Variants in GNAI2 observed in about 807,000 individuals in gnomAD.
GNAI2 encodes guanine nucleotide-binding protein G(i) subunit alpha-2.
GNAI2 carries 4 observed loss-of-function variants against 36.8 expected under a neutral mutation model. That is an observed-to-expected ratio of 0.11 (90% confidence interval 0.05 to 0.25). GNAI2 has a LOEUF of 0.25. GNAI2 is among the 10% of genes least tolerant of loss of function. The pLI is 1.00. For missense variants in GNAI2, 230 were observed against 481.3 expected (o/e 0.48, Z 4.89); for synonymous variants, 194 against 194.1 (o/e 1.00, Z 0.01).
rs782110519 is a variant in GNAI2 at position 50,253,136 on chromosome 3, C to A, written c.416C>A (p.Ala139Asp). Reference sequence around the variant, plus strand: ...CTCTGGGCTGACCATGGTGTGCAGGCCTGCTTTGGCCGCTCAAGGGAATAC... The same window carrying A: ...CTCTGGGCTGACCATGGTGTGCAGGACTGCTTTGGCCGCTCAAGGGAATAC... The part of the protein sequence containing the change: ...RRLWADHGVQ[A>D]CFGRSREYQL... The change falls in exon 4 of 9, where the codon GCC (alanine) becomes GAC (aspartate). Residue 139 changes from alanine (A) to aspartate (D), a missense_variant. Around this residue, in one of 4 missense-constraint regions of GNAI2, gnomAD observed 132 missense variants for 247.4 expected, o/e 0.53. Coordinates refer to ENST00000313601, the MANE Select transcript of GNAI2 (RefSeq NM_002070.4). This position sits in a 1 kb window ranked among gnomAD's most constrained non-coding sequence, Gnocchi z 4.2. 2 of 1,613,580 alleles carry A rather than the reference C, an allele frequency of 1.2e-6. No individual in the cohort carries two copies. Among genetic ancestry groups the A allele is most frequent in the Non-Finnish European group, 1.7e-6 (2 of 1,179,736 alleles).
upstream of GNAI2, among the ~76,000 whole-genome samples, chr3:50,231,669 G>A (rs1700070129): frequency 6.6e-6 from 1 of 152,344 alleles, no homozygotes; most frequent in East Asian, 1.9e-4. Context: ...AGAATAGTGG[G>A]ATCTGGCTGG....
intron 1 of GNAI2, among the ~76,000 whole-genome samples, chr3:50,245,741 G>C (rs1700404571): frequency 6.6e-6 from 1 of 152,256 alleles, no homozygotes; most frequent in Admixed American, 6.5e-5. Context: ...CCTCTGTGCA[G>C]TGGAAAGGGC....
At chr3:50,229,784 A>T (rs1032393089), upstream of GNAI2, 4 of 152,316 alleles carry the variant, frequency 2.6e-5, no homozygotes, top group Admixed American at 2.6e-4. Context: ...CAGTGGCTCT[A>T]GTGTCACCCT....
rs1435956665 is a variant in GNAI2 at position 50,253,155 on chromosome 3, G to A, written c.435G>A (p.Arg145=). Residue 145 remains arginine, a synonymous_variant, in exon 4 of 9, where the codon AGG becomes AGA. Transcript: ENST00000313601. This position sits in a 1 kb window ranked among gnomAD's most constrained non-coding sequence, Gnocchi z 4.2. ...TGCAGGCCTGCTTTGGCCGCTCAAG[G>A]GAATACCAGCTCAACGACTCAGCTG... ...HGVQACFGRS[R]EYQLNDSAAY... The A allele has an allele frequency of 3.1e-6, 5 of 1,612,358 alleles. No homozygotes were observed. The highest frequency in any genetic ancestry group is 1.1e-5 in the South Asian group (1 of 91,064).
chr3:50,252,986 ATTCC>A lies in GNAI2; in HGVS notation c.304-34_304-31del. ...CCTGCCTCTGGCAGAGTGGGGGTAC[ATTCC>A]TTCAACTGCCTGACCACCCGCCACT... On this transcript the variant is annotated intron_variant, in intron 3 of 8. Coordinates refer to ENST00000313601, the MANE Select transcript of GNAI2 (RefSeq NM_002070.4). The surrounding 1 kb of genome is among the most constrained non-coding windows in gnomAD (Gnocchi z 4.1). The A allele has an allele frequency of 6.5e-7, 1 of 1,544,258 alleles. No homozygotes were observed. The highest frequency in any genetic ancestry group is 8.8e-7 in the Non-Finnish European group (1 of 1,134,924).
intron 1 of GNAI2, among the ~76,000 whole-genome samples, chr3:50,246,345 T>C (rs1374363274): frequency 6.6e-6 from 1 of 152,202 alleles, no homozygotes; most frequent in Non-Finnish European, 1.5e-5. Flanking sequence ...CCTTCCACAG[T>C]GTCTCCGGCT....
chr3:50,243,076 G>C (rs587636953), intron 1 of GNAI2, among the ~76,000 whole-genome samples: 1 of 152,268 alleles, frequency 6.6e-6, no homozygotes, highest in Non-Finnish European at 1.5e-5. Context: ...GGGTGGGGGT[G>C]AGAGCCCAAG....
intron 1 of GNAI2, among the ~76,000 whole-genome samples, chr3:50,244,438 C>T (rs1553701484): frequency 2.0e-5 from 3 of 152,176 alleles, no homozygotes; most frequent in Non-Finnish European, 4.4e-5. Context: ...TAATATTATG[C>T]TTGTTCTCCC....
At chr3:50,239,147 A>T (rs1559766152) in intron 1 of GNAI2, among the ~76,000 whole-genome samples, 1 of 152,272 alleles carries the variant, frequency 6.6e-6, no homozygotes, top group East Asian at 1.9e-4. Flanking sequence ...CTGGGCTCTT[A>T]AGGGAAAGGA....
At chr3:50,239,198 A>T (rs1700249440) in intron 1 of GNAI2, among the ~76,000 whole-genome samples, 1 of 152,134 alleles carries the variant, frequency 6.6e-6, no homozygotes, top group South Asian at 2.1e-4. Flanking sequence ...CTGATTTGGG[A>T]TGGGCCTGTG....
At chr3:50,247,937 C>T in intron 1 of GNAI2, among the ~76,000 whole-genome samples, 1 of 152,206 alleles carries the variant, frequency 6.6e-6, no homozygotes, top group East Asian at 1.9e-4. Context: ...AGCATCTTTG[C>T]AGAAATCTGG....
upstream of GNAI2, chr3:50,229,376 G>A (rs2109169166): frequency 6.6e-6 from 1 of 152,390 alleles, no homozygotes; most frequent in South Asian, 2.1e-4. Flanking sequence ...GAGAGCTCCT[G>A]AGTTCCCTGC....
In GNAI2 at chr3:50,258,210, C is replaced by T. The variant is rs997359635; in HGVS notation, c.*25-158C>T. 6.8e-4 allele frequency: 104 copies of T among 153,832 alleles called. 1 individual carries two copies. Among genetic ancestry groups the T allele is most frequent in the Non-Finnish European group, 1.6e-4 (11 of 69,220 alleles). The allele number at this position is 153,832 out of a possible 1,614,324, so 9.5% of individuals were successfully genotyped here. The stretch of plus-strand genomic sequence containing the variant: ...TCCCAGTGCCACAGACTCCCCTCCC[C>T]CACGTAACCCAGCAACAGAAACTGG... On this transcript the variant is annotated intron_variant, in intron 8 of 8. Transcript: ENST00000313601.
At chr3:50,249,136 C>A (rs1470476607) in intron 1 of GNAI2, among the ~76,000 whole-genome samples, 1 of 152,206 alleles carries the variant, frequency 6.6e-6, no homozygotes, top group East Asian at 1.9e-4. Flanking sequence ...GTCCCCCATG[C>A]CCTGGGTAGC....
chr3:50,251,877 C>A, intron 1 of GNAI2: 1 of 1,078,842 alleles, frequency 9.3e-7, no homozygotes, highest in South Asian at 1.6e-5. Context: ...TGCAGAGAGT[C>A]TGCCATGGGG....
intron 1 of GNAI2, among the ~76,000 whole-genome samples, chr3:50,251,091 A>G (rs1269364941): frequency 1.3e-5 from 2 of 152,130 alleles, no homozygotes; most frequent in African/African-American, 2.4e-5. Flanking sequence ...GATTACAGGC[A>G]TGAGCCACCA....
intron 1 of GNAI2, among the ~76,000 whole-genome samples, chr3:50,249,229 TC>T (rs1553702108): frequency 1.3e-5 from 2 of 152,076 alleles, no homozygotes; most frequent in African/African-American, 4.8e-5. Flanking sequence ...CTCCTGCAGT[TC>T]CCCCCATCCT....
In GNAI2 at chr3:50,258,426, G is replaced by A. The variant is rs374572856; in HGVS notation, c.*83G>A. On this transcript the variant is annotated 3_prime_UTR_variant, in exon 9 of 9. Coordinates refer to ENST00000313601, the MANE Select transcript of GNAI2 (RefSeq NM_002070.4). The stretch of plus-strand genomic sequence containing the variant: ...AGGAAGATGGGGGCAAGAAGATCAC[G>A]CTCCCCGCCTGTTCCCCCGCCGCTT... The A allele has an allele frequency of 1.4e-3, 221 of 154,872 alleles. 12 individuals carry two copies. In the South Asian group the frequency reaches 0.041, roughly 29 times the overall value. The allele number at this position is 154,872 out of a possible 1,614,324, so 9.6% of individuals were successfully genotyped here.
chr3:50,230,043 G>A (rs914141210), upstream of GNAI2: 1 of 152,312 alleles, frequency 6.6e-6, no homozygotes, highest in Non-Finnish European at 1.5e-5. Flanking sequence ...GGGTGCTGGG[G>A]CCTGAATTCT....
Sources: gnomAD v4.1 joint callset for allele counts (sites outside exome capture counted in the v4.1 genomes callset) on GRCh38, gnomAD v4.1.1 for gene constraint, gnomAD v4.1.1 regional missense constraint, Gnocchi (gnomAD v3.1) non-coding constraint, MANE v1.5 for transcripts, NCBI Gene and HGNC (gene_info 2026-07-23, HGNC 2026-07-21) for gene names.